The following MYO19 variants were observed in gnomAD, a reference collection of about 807,000 sequenced individuals.
The protein encoded by MYO19 is myosin XIX.
MYO19 carries 132 observed loss-of-function variants against 129.2 expected under a neutral mutation model. The ratio of observed to expected loss-of-function variants is 1.02; its 90% confidence interval spans 0.89 to 1.18. MYO19 has a LOEUF of 1.18. Among genes scored for constraint, MYO19 ranks in the 50% most tolerant of loss-of-function variants. The pLI is 0.00. For missense variants in MYO19, 1,210 were observed against 1,216.7 expected (o/e 0.99, Z 0.08); for synonymous variants, 531 against 477.2 (o/e 1.11, Z -1.47).
At chr17:36,538,834 A>T (rs1361541271), upstream of MYO19, 1 of 441,942 alleles carries the variant, frequency 2.3e-6, no homozygotes, top group African/African-American at 2.1e-5. Context: ...GCTCACTGCA[A>T]CCTCCACCTC....
intron 11 of MYO19, chr17:36,513,095 G>A (rs2072478624): frequency 1.5e-6 from 2 of 1,328,166 alleles, no homozygotes; most frequent in Non-Finnish European, 1.9e-6. Context: ...GTGTGAACAT[G>A]ACTTGTAAGT....
In MYO19 at chr17:36,496,194, T is replaced by C. The variant is rs142870174; in HGVS notation, c.*57A>G. The stretch of plus-strand genomic sequence containing the variant: ...GTCTGGCAGCTGTGTGCTGATTAAA[T>C]GTCTTTGGCAAGGCAGGGGGCAGGA... On this transcript the variant is annotated 3_prime_UTR_variant, in exon 26 of 26. Coordinates refer to ENST00000614623, the MANE Select transcript of MYO19 (RefSeq NM_001163735.2). 2.6e-4 allele frequency: 420 copies of C among 1,600,542 alleles called. No homozygotes were observed. In the African/African-American group the frequency reaches 5.3e-3, roughly 20 times the overall value.
rs747435185 is a variant in MYO19 at position 36,507,890 on chromosome 17, AG to A, written c.1265del (p.Pro422LeufsTer26). ...TGCACAACTGTTCCAGACTGTTGTCAGGAAATGATTCAAATCCATACACATC... is the reference window on the plus strand; with the variant it reads ...TGCACAACTGTTCCAGACTGTTGTCAGAAATGATTCAAATCCATACACATC... ...LLDVYGFESF[P>X]DNSLEQLCIN... On this transcript the variant is annotated frameshift_variant, in exon 15 of 26. Transcript: ENST00000614623. LOFTEE classifies it high-confidence loss of function. 26 of 1,612,218 alleles carry A rather than the reference AG, an allele frequency of 1.6e-5. No homozygotes were observed. Among genetic ancestry groups the A allele is most frequent in the Non-Finnish European group, 2.5e-6 (3 of 1,178,928 alleles).
At chr17:36,517,014 A>G (rs1219214259) in intron 6 of MYO19, among the ~76,000 whole-genome samples, 1 of 151,864 alleles carries the variant, frequency 6.6e-6, no homozygotes, top group African/African-American at 2.4e-5. Context: ...TTTAACTATG[A>G]CTTCAATTTC....
At position 36,521,842 on chromosome 17, in the gene MYO19, C is replaced by A. The variant is rs185361705; in HGVS notation, c.414+3386G>T. Among the ~76,000 whole-genome samples, 1,509 of 151,670 alleles carry A rather than the reference C, an allele frequency of 9.9e-3. 12 individuals are homozygous for A. Among genetic ancestry groups the A allele is most frequent in the Non-Finnish European group, 0.014 (940 of 67,870 alleles). ...GGTCAAGAGATCGAGATCATCTTGG[C>A]CAACATGGTGAAACCCCATCTCTAC... On this transcript the variant is annotated intron_variant, in intron 6 of 25. Coordinates refer to ENST00000614623, the MANE Select transcript of MYO19 (RefSeq NM_001163735.2).
At chr17:36,520,537 A>T (rs2142217691) in intron 6 of MYO19, among the ~76,000 whole-genome samples, 1 of 152,148 alleles carries the variant, frequency 6.6e-6, no homozygotes, top group Non-Finnish European at 1.5e-5. Context: ...TTTTCAATAA[A>T]TCTCTCCTGC....
At chr17:36,506,930 C>A in intron 17 of MYO19, 33 bp downstream of exon 17, 1 of 1,525,820 alleles carries the variant, frequency 6.6e-7, no homozygotes, top group South Asian at 1.2e-5. Context: ...TCTCGTTTCT[C>A]GCAGGCCCCA....
At chr17:36,531,394 C>CAAAAA (rs587678549) in intron 3 of MYO19, among the ~76,000 whole-genome samples, 1 of 56,754 alleles carries the variant, frequency 1.8e-5, no homozygotes. Context: ...GACTCCATCT[C>CAAAAA]AAAAAAAAAA....
In MYO19 at chr17:36,498,268, G is replaced by A. The variant is rs150601453; in HGVS notation, c.2755C>T (p.Gln919Ter). The A allele has an allele frequency of 6.2e-7, 1 of 1,610,180 alleles. No individual in the cohort carries two copies. Among genetic ancestry groups the A allele is most frequent in the South Asian group, 1.1e-5 (1 of 91,058 alleles). The part of the protein sequence containing the change: ...AGVTSIRALP[Q>*]GSIKFHCRKS... ...CATGGCCATCACACACAACGTACCT[G>A]AGGCAGCGCTCGGATGGACGTGACA... The change falls in exon 25 of 26, where the codon CAG becomes TAG. Residue 919 changes from glutamine to a stop codon, truncating the protein, a stop_gained and splice_region_variant. Transcript: ENST00000614623. LOFTEE classifies it high-confidence loss of function.
rs1205239492 is a variant in MYO19, at chr17:36,501,130, G to A, written c.2186C>T (p.Ala729Val). Residue 729 changes from alanine (A) to valine (V), a missense_variant, in exon 22 of 26, where the codon GCT (alanine) becomes GTT (valine). Physicochemically the swap from Ala to Val is moderately conservative, Grantham distance 64. Transcript: ENST00000614623. ...TQAAAITGDS[A>V]EAMPAPMHCG... ...GTGCATGGGGGCTGGCATGGCCTCA[G>A]CCGAGTCACCAGTTATGGCTGCTGC... 6.2e-7 allele frequency: 1 copy of A among 1,614,074 alleles called. No individual in the cohort carries two copies. Among genetic ancestry groups the A allele is most frequent in the Admixed American group, 1.7e-5 (1 of 60,032 alleles).
At chr17:36,535,234 C>CGGCGGAGTGTTGTGCGAGTCA (rs2074068773), upstream of MYO19, 1 of 152,172 alleles carries the variant, frequency 6.6e-6, no homozygotes, top group Non-Finnish European at 1.5e-5. Context: ...TGTGCGAGGC[C>CGGCGGAGTGTTGTGCGAGTCA]GGCGGACACC....
At chr17:36,541,593 C>T (rs2074198155) in intron 2 of MYO19, among the ~76,000 whole-genome samples, 2 of 152,144 alleles carry the variant, frequency 1.3e-5, no homozygotes, top group African/African-American at 4.8e-5. Flanking sequence ...TCCGTCCCTC[C>T]AACTGTTCTT....
At chr17:36,542,243 T>C (rs971677902) in intron 1 of MYO19, 3 of 150,604 alleles carry the variant, frequency 2.0e-5, no homozygotes, top group Admixed American at 6.6e-5. Context: ...TTATGTTTTA[T>C]ATATGTTTTA....
chr17:36,537,583 T>C, upstream of MYO19: 3 of 1,614,206 alleles, frequency 1.9e-6, no homozygotes, highest in African/African-American at 1.3e-5. Context: ...AAAACTGAGC[T>C]CTATGGGACA....
At chr17:36,509,181 T>C in intron 13 of MYO19, 46 bp from the exon 14 acceptor site, 1 of 1,580,402 alleles carries the variant, frequency 6.3e-7, no homozygotes, top group Non-Finnish European at 8.7e-7. Context: ...TCTGGCTGAG[T>C]CAAAGGGGTG....
At chr17:36,540,508 T>G (rs2142629722) in intron 2 of MYO19, among the ~76,000 whole-genome samples, 1 of 152,028 alleles carries the variant, frequency 6.6e-6, no homozygotes, top group African/African-American at 2.4e-5. Context: ...GGAGCTGGGA[T>G]TACAGGCACA....
intron 6 of MYO19, among the ~76,000 whole-genome samples, chr17:36,516,913 T>A (rs1468500633): frequency 6.6e-6 from 1 of 152,318 alleles, no homozygotes; most frequent in East Asian, 1.9e-4. Context: ...TGAAAGACTT[T>A]ATGTAGAACT....
chr17:36,510,704 T>C (rs775439176), intron 13 of MYO19, 42 bp downstream of exon 13: 10 of 1,543,386 alleles, frequency 6.5e-6, no homozygotes, highest in East Asian at 4.8e-5. Context: ...GAAGAGCACT[T>C]GTCGGGGTCC....
chr17:36,496,291 A>T lies in MYO19; in HGVS notation c.2873T>A (p.Leu958Gln). The T allele has an allele frequency of 6.2e-7, 1 of 1,614,064 alleles. No individual in the cohort carries two copies. The highest frequency in any genetic ancestry group is 8.5e-7 in the Non-Finnish European group (1 of 1,179,906). ...GAAGGCAGAAGAGGTCACGTGGATC[A>T]GCCTGTGTCTTTCCAGCAGAATCTG... ...FNQILLERHR[L>Q]IHVTSSAFTG... is the part of the protein sequence containing the mutation. Residue 958 changes from leucine (L) to glutamine (Q), a missense_variant, in exon 26 of 26, where the codon CTG (leucine) becomes CAG (glutamine). Physicochemically the swap from Leu to Gln is moderately radical, Grantham distance 113. Coordinates refer to ENST00000614623, the MANE Select transcript of MYO19 (RefSeq NM_001163735.2).
Sources: gnomAD v4.1 joint callset for allele counts (sites outside exome capture counted in the v4.1 genomes callset) on GRCh38, gnomAD v4.1.1 for gene constraint, MANE v1.5 for transcripts, NCBI Gene and HGNC (gene_info 2026-07-23, HGNC 2026-07-21) for gene names.